The following PLXNA4 variants were observed in gnomAD, a reference collection of about 807,000 sequenced individuals.
The protein encoded by PLXNA4 is plexin-A4.
PLXNA4 carries 44 observed loss-of-function variants against 191.8 expected under a neutral mutation model. The ratio of observed to expected loss-of-function variants is 0.23; its 90% CI spans 0.18 to 0.29. The LOEUF (loss-of-function observed/expected upper bound fraction) is 0.29, where lower values mean the gene tolerates loss of function less well. Ranked by LOEUF, PLXNA4 falls within the 10% of genes least tolerant of loss-of-function variation. The pLI, the probability that PLXNA4 is intolerant of heterozygous loss-of-function variation, is 1.00. For missense variants in PLXNA4, 1,800 were observed against 2,488.8 expected, an observed-to-expected ratio of 0.72 and a Z score of 5.89; for synonymous variants, 1,082 against 1,009.5, an observed-to-expected ratio of 1.07 and a Z score of -1.36.
chr7:132,243,058 C>G (rs1226030532), intron 4 of PLXNA4, among the ~76,000 whole-genome samples: 1 of 152,196 alleles, frequency 6.6e-6, no homozygotes, highest in Non-Finnish European at 1.5e-5. Context: ...GGCAATTGAA[C>G]TGTTGCTGTT....
At chr7:132,428,859 C>A (rs918073523) in intron 3 of PLXNA4, among the ~76,000 whole-genome samples, 12 of 152,156 alleles carry the variant, frequency 7.9e-5, no homozygotes, top group African/African-American at 2.9e-4. Context: ...AGATCTCAGG[C>A]ACTTCAGGGG....
intron 16 of PLXNA4, among the ~76,000 whole-genome samples, chr7:132,184,059 A>G (rs984495307): frequency 1.3e-5 from 2 of 152,158 alleles, no homozygotes; most frequent in Non-Finnish European, 2.9e-5. Flanking sequence ...GAGTTTGCCG[A>G]TCCCTGGATT....
At chr7:132,288,544 C>A (rs1349579732) in intron 4 of PLXNA4, among the ~76,000 whole-genome samples, 3 of 152,170 alleles carry the variant, frequency 2.0e-5, no homozygotes, top group African/African-American at 7.2e-5. Context: ...TCCTGTCACT[C>A]ATTCCTCAGC....
Position 132,507,832 on chromosome 7 carries a change from T to C in PLXNA4, c.862A>G (p.Thr288Ala), listed in dbSNP as rs1305028232. 2 of 1,614,062 alleles carry C rather than the reference T, an allele frequency of 1.2e-6. No individual in the cohort carries two copies. Among genetic ancestry groups the C allele is most frequent in the East Asian group, 2.2e-5 (1 of 44,880 alleles). ...SKLVRLCKED[T>A]AFNSYVEVPI... The stretch of plus-strand genomic sequence containing the variant: ...ACCTCTACATAGGAGTTGAAGGCTG[T>C]GTCCTCCTTGCAAAGCCTCACGAGC... Residue 288 changes from threonine (T) to alanine (A), a missense_variant, in exon 2 of 32, where the codon ACA (threonine) becomes GCA (alanine). Around this residue, in one of 6 missense-constraint regions of PLXNA4, gnomAD observed 1,397 missense variants for 1,880.4 expected, o/e 0.74. Coordinates refer to ENST00000321063, the MANE Select transcript of PLXNA4 (RefSeq NM_020911.2).
chr7:132,563,409 TC>T (rs1801459761), intron 1 of PLXNA4, among the ~76,000 whole-genome samples: 3 of 72,086 alleles, frequency 4.2e-5, no homozygotes, highest in Admixed American at 1.5e-4. Flanking sequence ...CTCCTCCTCC[TC>T]TCCCTCCTCC....
At chr7:132,244,548 C>CAAATTGGGG (rs1468769339) in intron 4 of PLXNA4, among the ~76,000 whole-genome samples, 1 of 152,170 alleles carries the variant, frequency 6.6e-6, no homozygotes, top group African/African-American at 2.4e-5. Flanking sequence ...TGTGGACATT[C>CAAATTGGGG]AAATTGGGGA....
At chr7:132,187,758 C>G (rs1021839231) in intron 14 of PLXNA4, 151 bp from the exon 15 acceptor site, 3 of 1,379,388 alleles carry the variant, frequency 2.2e-6, no homozygotes, top group Non-Finnish European at 2.9e-6. Context: ...TTCTCTTAGG[C>G]TTGCGTGGAT....
intron 3 of PLXNA4, chr7:132,385,085 T>C: frequency 6.5e-7 from 1 of 1,545,450 alleles, no homozygotes; most frequent in Non-Finnish European, 8.7e-7. Flanking sequence ...CTATGATGTA[T>C]GGCTGGGGTC....
chr7:132,168,507 G>C lies in PLXNA4; in HGVS notation c.4083C>G (p.Asn1361Lys). 6.2e-7 allele frequency: 1 copy of C among 1,613,428 alleles called. No homozygotes were observed. Among genetic ancestry groups the C allele is most frequent in the Middle Eastern group, 1.7e-4 (1 of 6,056 alleles). Residue 1361 changes from asparagine (N) to lysine (K), a missense_variant, in exon 22 of 32, where the codon AAC (asparagine) becomes AAG (lysine). Around this residue, in one of 6 missense-constraint regions of PLXNA4, gnomAD observed 1,397 missense variants for 1,880.4 expected, o/e 0.74. Coordinates refer to ENST00000321063, the MANE Select transcript of PLXNA4 (RefSeq NM_020911.2). ...GLKLFAQLINNKVFLLSFIRT... is the reference protein window; with the variant it reads ...GLKLFAQLINKKVFLLSFIRT... Reference sequence around the variant, plus strand: ...GGATGAAGGACAGCAGGAACACCTTGTTGTTGATGAGCTGGGCGAAGAGCT... The same window carrying C: ...GGATGAAGGACAGCAGGAACACCTTCTTGTTGATGAGCTGGGCGAAGAGCT...
chr7:132,140,882 C>T, intron 29 of PLXNA4, 71 bp from the exon 30 acceptor site: 1 of 1,576,062 alleles, frequency 6.3e-7, no homozygotes, highest in Non-Finnish European at 8.6e-7. Context: ...TAGGAGGGGT[C>T]TCTGGAGAAG....
intron 3 of PLXNA4, among the ~76,000 whole-genome samples, chr7:132,325,755 C>T (rs1161092229): frequency 2.6e-5 from 4 of 152,138 alleles, no homozygotes; most frequent in African/African-American, 9.7e-5. Flanking sequence ...TCCTAATGCC[C>T]CAGGCCACCC....
chr7:132,641,819 G>A (rs1284270074), intron 2 of PLXNA4, among the ~76,000 whole-genome samples: 1 of 151,950 alleles, frequency 6.6e-6, no homozygotes, highest in East Asian at 1.9e-4. Context: ...TCCACTGGAG[G>A]GACGACAACA....
At chr7:132,515,185 C>T (rs1798889100) in intron 1 of PLXNA4, among the ~76,000 whole-genome samples, 1 of 152,142 alleles carries the variant, frequency 6.6e-6, no homozygotes, top group Non-Finnish European at 1.5e-5. Context: ...CTAAGAACCG[C>T]TAGTGCCATC....
Position 132,507,801 on chromosome 7 carries a change from A to G in PLXNA4, c.893T>C (p.Ile298Thr). 1.9e-6 allele frequency: 3 copies of G among 1,614,150 alleles called. No homozygotes were observed. The highest frequency in any genetic ancestry group is 2.7e-5 in the African/African-American group (2 of 75,052). ...TAFNSYVEVP[I>T]GCERSGVEYR... is the part of the protein sequence containing the mutation. ...CTCCACCCCACTGCGCTCACAGCCA[A>G]TGGGCACCTCTACATAGGAGTTGAA... Residue 298 changes from isoleucine (I) to threonine (T), a missense_variant, in exon 2 of 32, where the codon ATT becomes ACT. Ile to Thr is a moderately conservative substitution (Grantham distance 89, BLOSUM62 -1). Transcript: ENST00000321063.
At chr7:132,226,507 GC>G (rs1291298941) in intron 7 of PLXNA4, among the ~76,000 whole-genome samples, 7 of 152,246 alleles carry the variant, frequency 4.6e-5, no homozygotes, top group Non-Finnish European at 8.8e-5. Context: ...GATGCACACT[GC>G]CAGGGATTCA....
At chr7:132,333,085 A>C (rs1322441460) in intron 3 of PLXNA4, among the ~76,000 whole-genome samples, 1 of 152,304 alleles carries the variant, frequency 6.6e-6, no homozygotes, top group East Asian at 1.9e-4. Flanking sequence ...GCAATTTAAA[A>C]GTCACTGGGT....
chr7:132,247,360 C>A (rs1799095417), intron 4 of PLXNA4, among the ~76,000 whole-genome samples: 1 of 151,978 alleles, frequency 6.6e-6, no homozygotes. Context: ...ATTTAAATGT[C>A]CAAAAGGTTT....
chr7:132,127,462 T>C lies in PLXNA4; in HGVS notation c.*3017A>G, dbSNP rs1794801095. ...GGGTAAGGAAGATCCCTGGGGGAGT[T>C]TGGAAAAAAGATTTGGGTGGGGGAT... On this transcript the variant is annotated 3_prime_UTR_variant, in exon 32 of 32. Coordinates refer to ENST00000321063, the MANE Select transcript of PLXNA4 (RefSeq NM_020911.2). 6.6e-6 allele frequency: 1 copy of C among 151,990 alleles called. No individual in the cohort carries two copies. The allele number at this position is 151,990 out of a possible 1,614,324, so 9.4% of individuals were successfully genotyped here.
In PLXNA4 at chr7:132,241,073, G is replaced by A; in HGVS notation, c.1597C>T (p.His533Tyr). 1 of 1,611,486 alleles carries A rather than the reference G, an allele frequency of 6.2e-7. No homozygotes were observed. Among genetic ancestry groups the A allele is most frequent in the Non-Finnish European group, 8.5e-7 (1 of 1,178,276 alleles). ...GDPHCGWCVLHNTCTRKERCE... is the reference protein window; with the variant it reads ...GDPHCGWCVLYNTCTRKERCE... ...CCTCCCCATGGTACTCACGTGTTGT[G>A]CAGCACACACCAGCCACAGTGGGGG... Residue 533 changes from histidine (H) to tyrosine (Y), a missense_variant, in exon 5 of 32, where the codon CAC becomes TAC. This residue lies in a region of PLXNA4 where 1,397 missense variants were observed against 1,880.4 expected (regional missense o/e 0.74). Coordinates refer to ENST00000321063, the MANE Select transcript of PLXNA4 (RefSeq NM_020911.2).
Sources: gnomAD v4.1 joint callset for allele counts (sites outside exome capture counted in the v4.1 genomes callset) on GRCh38, gnomAD v4.1.1 for gene constraint, gnomAD v4.1.1 regional missense constraint, MANE v1.5 for transcripts, NCBI Gene and HGNC (gene_info 2026-07-23, HGNC 2026-07-21) for gene names.